Variants in DLGAP2 observed in about 807,000 individuals in gnomAD.
DLGAP2 encodes the protein DLG associated protein 2.
In DLGAP2, 26 loss-of-function variants were observed where a neutral mutation model predicts 100.3. The ratio of observed to expected loss-of-function variants is 0.26; its 90% CI spans 0.19 to 0.36. The LOEUF (loss-of-function observed/expected upper bound fraction) is 0.36, where lower values mean the gene tolerates loss of function less well. DLGAP2 is among the 10% of genes least tolerant of loss of function. The pLI is 1.00. For synonymous variants in DLGAP2, 886 were observed against 630.1 expected (o/e 1.41, Z -6.08); for missense variants, 1,858 against 1,453.2 (o/e 1.28, Z -4.53).
intron 6 of DLGAP2, among the ~76,000 whole-genome samples, chr8:1,619,418 A>T (rs777215446): frequency 1.3e-5 from 2 of 152,328 alleles, no homozygotes; most frequent in South Asian, 2.1e-4. Flanking sequence ...CTGTCTATCA[A>T]TTTTCTCTCA....
At chr8:1,268,176 A>G (rs1437559820) in intron 3 of DLGAP2, among the ~76,000 whole-genome samples, 1 of 152,206 alleles carries the variant, frequency 6.6e-6, no homozygotes, top group Non-Finnish European at 1.5e-5. Flanking sequence ...TCTGGCATTG[A>G]AACAATTTTA....
At chr8:1,486,364 A>G (rs1799236980) in intron 3 of DLGAP2, among the ~76,000 whole-genome samples, 1 of 152,230 alleles carries the variant, frequency 6.6e-6, no homozygotes, top group Non-Finnish European at 1.5e-5. Context: ...AAGAATGTGA[A>G]ATCTCGGCTC....
intron 6 of DLGAP2, among the ~76,000 whole-genome samples, chr8:1,590,164 C>G (rs1024593668): frequency 1.3e-5 from 2 of 152,164 alleles, no homozygotes; most frequent in African/African-American, 4.8e-5. Context: ...CACTGTCATC[C>G]TCGGAGCCCA....
At chr8:1,682,774 A>G (rs116940769) in intron 12 of DLGAP2, among the ~76,000 whole-genome samples, 1,804 of 151,752 alleles carry the variant, frequency 0.012, 77 homozygotes, top group Non-Finnish European at 0.018. Context: ...ATGCCCAGCC[A>G]GGATATCTAG....
intron 1 of DLGAP2, among the ~76,000 whole-genome samples, chr8:865,989 T>G (rs1005827928): frequency 4.6e-5 from 7 of 152,192 alleles, no homozygotes; most frequent in Admixed American, 3.9e-4. Flanking sequence ...TTGGGTATGG[T>G]ATTCTAATCC....
intron 3 of DLGAP2, among the ~76,000 whole-genome samples, chr8:1,386,503 G>A (rs1255089157): frequency 6.6e-6 from 1 of 152,210 alleles, no homozygotes; most frequent in Non-Finnish European, 1.5e-5. Flanking sequence ...GAATCCTGGA[G>A]AAGTGGTGGC....
chr8:1,605,543 C>G (rs1796769636), intron 6 of DLGAP2, among the ~76,000 whole-genome samples: 1 of 152,200 alleles, frequency 6.6e-6, no homozygotes, highest in Non-Finnish European at 1.5e-5. Flanking sequence ...GTGCTACATT[C>G]TTGTGGGCCT....
At position 1,041,765 on chromosome 8, in the gene DLGAP2, C is replaced by G. The variant is rs1032600253; in HGVS notation, c.73+133799C>G. Reference sequence around the variant, plus strand: ...GGTGAGTGTTCTCCGAGCCCCTTGCCGTGGGTCTGCGGGAAATGTGTACTC... The same window carrying G: ...GGTGAGTGTTCTCCGAGCCCCTTGCGGTGGGTCTGCGGGAAATGTGTACTC... On this transcript the variant is annotated intron_variant, in intron 2 of 14. Transcript: ENST00000637795. Among the ~76,000 whole-genome samples the G allele has an allele frequency of 2.7e-5, 4 of 145,738 alleles. 1 individual carries two copies. The highest frequency in any genetic ancestry group is 2.7e-4 in the Admixed American group (4 of 14,626).
intron 2 of DLGAP2, chr8:1,032,891 T>G (rs1166649212): frequency 6.6e-6 from 1 of 152,236 alleles, no homozygotes; most frequent in Non-Finnish European, 1.5e-5. Context: ...TATTTTAAAA[T>G]GACTATGTGT....
At chr8:1,286,963 A>G (rs7815020) in intron 3 of DLGAP2, among the ~76,000 whole-genome samples, 20,562 of 152,328 alleles carry the variant, frequency 0.13, 1,605 homozygotes, top group East Asian at 0.24. Context: ...TTAGGCAGTT[A>G]TAAACCTTAG....
chr8:893,215 T>C (rs1798072375), intron 1 of DLGAP2: 1 of 152,126 alleles, frequency 6.6e-6, no homozygotes, highest in Non-Finnish European at 1.5e-5. Context: ...CAGAGTGGCA[T>C]GCGATGTGGG....
intron 3 of DLGAP2, among the ~76,000 whole-genome samples, chr8:1,486,086 T>C (rs1799229984): frequency 6.6e-6 from 1 of 152,220 alleles, no homozygotes; most frequent in Non-Finnish European, 1.5e-5. Flanking sequence ...TCAAGATCTC[T>C]GCTCGCGTCC....
At chr8:784,982 C>T (rs999797512) in intron 1 of DLGAP2, among the ~76,000 whole-genome samples, 11 of 151,848 alleles carry the variant, frequency 7.2e-5, no homozygotes, top group African/African-American at 4.8e-5. Context: ...CCGAGGCAGG[C>T]GGATCACAAG....
At chr8:1,192,130 G>C (rs1189682468) in intron 2 of DLGAP2, among the ~76,000 whole-genome samples, 1 of 152,148 alleles carries the variant, frequency 6.6e-6, no homozygotes, top group African/African-American at 2.4e-5. Context: ...TCTCGTACGT[G>C]ATGAAACTGG....
intron 3 of DLGAP2, among the ~76,000 whole-genome samples, chr8:1,353,343 T>G (rs1020521770): frequency 1.3e-5 from 2 of 152,236 alleles, no homozygotes; most frequent in Admixed American, 1.3e-4. Context: ...GTGAAAGTAA[T>G]GCACATTCAT....
intron 4 of DLGAP2, among the ~76,000 whole-genome samples, chr8:1,503,662 C>T (rs187060963): frequency 2.0e-5 from 3 of 152,240 alleles, no homozygotes; most frequent in African/African-American, 4.8e-5. Flanking sequence ...CATGGTGAAG[C>T]GATGCTTCCT....
intron 12 of DLGAP2, among the ~76,000 whole-genome samples, chr8:1,686,916 C>T (rs1000010423): frequency 4.6e-5 from 7 of 152,162 alleles, no homozygotes; most frequent in African/African-American, 1.2e-4. Context: ...AGGTGATGCA[C>T]GTCCCAGTCA....
intron 2 of DLGAP2, among the ~76,000 whole-genome samples, chr8:1,023,083 G>T (rs535016351): frequency 6.6e-6 from 1 of 152,216 alleles, no homozygotes; most frequent in African/African-American, 2.4e-5. Flanking sequence ...CTGGCACCAT[G>T]GTCAAGATGG....
chr8:874,302 A>G (rs1239500091), intron 1 of DLGAP2, among the ~76,000 whole-genome samples: 1 of 150,366 alleles, frequency 6.7e-6, no homozygotes. Context: ...TAGCTTCTTC[A>G]TTTGAGGTCT....
Sources: gnomAD v4.1 joint callset for allele counts (sites outside exome capture counted in the v4.1 genomes callset) on GRCh38, gnomAD v4.1.1 for gene constraint, MANE v1.5 for transcripts, NCBI Gene and HGNC (gene_info 2026-07-23, HGNC 2026-07-21) for gene names.